SLC26A5: variants seen among roughly 807,000 people sequenced by gnomAD.
SLC26A5 encodes the protein prestin.
SLC26A5 carries 51 observed loss-of-function variants against 81.0 expected under a neutral mutation model. The observed-to-expected ratio is 0.63, with a 90% CI of 0.50 to 0.80. The LOEUF (loss-of-function observed/expected upper bound fraction) is 0.80. SLC26A5 is among the 30% of genes least tolerant of loss of function. The probability of loss-of-function intolerance (pLI) is 0.00; values close to 1 mark genes in which losing one functional copy is unlikely to be tolerated. For missense variants in SLC26A5, 771 were observed against 905.8 expected (o/e 0.85, Z 1.91); for synonymous variants, 325 against 332.8 (o/e 0.98, Z 0.25).
chr7:103,402,334 T>C (rs544567825), intron 8 of SLC26A5, among the ~76,000 whole-genome samples: 47 of 152,230 alleles, frequency 3.1e-4, no homozygotes, highest in African/African-American at 8.4e-4. Context: ...CTAGATTTTC[T>C]AGTTAATTTG....
chr7:103,395,474 C>CAT lies in SLC26A5; in HGVS notation c.972-2410_972-2409dup, dbSNP rs992268418. ...ACAAGTAGATTTATATATATATATA[C>CAT]ATATATATATACGCATATATATGTA... On this transcript the variant is annotated intron_variant, in intron 9 of 19. Coordinates refer to ENST00000306312, the MANE Select transcript of SLC26A5 (RefSeq NM_198999.3). Among the ~76,000 whole-genome samples the CAT allele has an allele frequency of 3.7e-3, 470 of 126,404 alleles. 5 individuals are homozygous for CAT. Among genetic ancestry groups the CAT allele is most frequent in the Non-Finnish European group, 4.7e-3 (293 of 62,400 alleles). 82.9% of individuals were successfully genotyped at this position (126,404 alleles called of 152,430 possible). A position where few individuals can be genotyped will look rare whatever the true frequency, so the allele number is the denominator to read the frequency against.
At chr7:103,395,501 G>GTATA (rs72433350) in intron 9 of SLC26A5, among the ~76,000 whole-genome samples, 4 of 106,686 alleles carry the variant, frequency 3.7e-5, no homozygotes, top group African/African-American at 6.9e-5. Flanking sequence ...ATATATGTAT[G>GTATA]TATATATATA....
intron 19 of SLC26A5, among the ~76,000 whole-genome samples, chr7:103,358,567 T>G (rs1025206298): frequency 2.6e-5 from 4 of 151,492 alleles, no homozygotes; most frequent in Non-Finnish European, 4.4e-5. Flanking sequence ...TCTGTTGATG[T>G]TTTTTTCCTC....
chr7:103,402,080 C>G (rs1451407650), intron 8 of SLC26A5, among the ~76,000 whole-genome samples: 2 of 152,088 alleles, frequency 1.3e-5, no homozygotes, highest in African/African-American at 2.4e-5. Context: ...ATCATAAAAT[C>G]AGTTAGGGAG....
chr7:103,441,007 T>C (rs529793946), intron 2 of SLC26A5, among the ~76,000 whole-genome samples: 1 of 152,244 alleles, frequency 6.6e-6, no homozygotes, highest in East Asian at 1.9e-4. Flanking sequence ...CATGAGGGAA[T>C]CAAGGGCCAT....
At position 103,407,932 on chromosome 7, in the gene SLC26A5, A is replaced by G; in HGVS notation, c.807T>C (p.Phe269=). The G allele has an allele frequency of 6.2e-7, 1 of 1,614,156 alleles. No homozygotes were observed. The highest frequency in any genetic ancestry group is 8.5e-7 in the Non-Finnish European group (1 of 1,179,998). ...VCSLGVGLMV[F]GLLLGGKEFN... ...ACTCCTTGCCACCCAACAGCAAACC[A>G]AAAACCATCAGCCCGACGCCTAGGG... is the stretch of plus-strand genomic sequence containing the variant. Residue 269 remains phenylalanine, a synonymous_variant, in exon 8 of 20, where the codon TTT becomes TTC. Coordinates refer to ENST00000306312, the MANE Select transcript of SLC26A5 (RefSeq NM_198999.3).
intron 17 of SLC26A5, 33 bp downstream of exon 17, chr7:103,378,413 A>G (rs1821516665): frequency 6.3e-7 from 1 of 1,587,628 alleles, no homozygotes; most frequent in African/African-American, 1.3e-5. Flanking sequence ...AGAACAAGAC[A>G]GAACGGATTA....
intron 2 of SLC26A5, among the ~76,000 whole-genome samples, chr7:103,424,369 T>C (rs1825574086): frequency 6.6e-6 from 1 of 152,180 alleles, no homozygotes; most frequent in South Asian, 2.1e-4. Context: ...TTTGAGACAA[T>C]ATCATACTCT....
At position 103,382,228 on chromosome 7, in the gene SLC26A5, A is replaced by G. The variant is rs146589124; in HGVS notation, c.1515-1679T>C. On this transcript the variant is annotated intron_variant, in intron 14 of 19. Coordinates refer to ENST00000306312, the MANE Select transcript of SLC26A5 (RefSeq NM_198999.3). ...TTGTTAGCAAGAATCACTGACTCAT[A>G]GTAGGGGAGTAGTCAATTGAGGGCG... Among the ~76,000 whole-genome samples, 398 of 152,184 alleles carry G rather than the reference A, an allele frequency of 2.6e-3. 3 individuals carry two copies. Among genetic ancestry groups the G allele is most frequent in the African/African-American group, 9.1e-3 (377 of 41,552 alleles).
At chr7:103,364,247 G>C in intron 19 of SLC26A5, 1 of 1,614,222 alleles carries the variant, frequency 6.2e-7, no homozygotes. Context: ...TTGCTAATCG[G>C]ACTGATGCGT....
chr7:103,408,112 T>G, intron 7 of SLC26A5, 109 bp from the exon 8 acceptor site: 18 of 1,422,652 alleles, frequency 1.3e-5, no homozygotes, highest in Non-Finnish European at 1.6e-5. Context: ...TGGATATTTC[T>G]AGTGGAAAGT....
rs772379496 is a variant in SLC26A5, at chr7:103,391,736, C to T, written c.1120-1G>A. 1 of 1,612,650 alleles carries T rather than the reference C, an allele frequency of 6.2e-7. No homozygotes were observed. Among genetic ancestry groups the T allele is most frequent in the South Asian group, 1.1e-5 (1 of 90,822 alleles). ...TGCACAGTCCCAGGGCAATGAGCTC[C>T]TTTCCCATGTAGAAACAAAACACAA... On this transcript the variant is annotated splice_acceptor_variant, in intron 10 of 19. Coordinates refer to ENST00000306312, the MANE Select transcript of SLC26A5 (RefSeq NM_198999.3). LOFTEE classifies it high-confidence loss of function.
Position 103,374,437 on chromosome 7 carries a change from A to G in SLC26A5, c.2197T>C (p.Leu733=), listed in dbSNP as rs770873038. 1 of 1,612,808 alleles carries G rather than the reference A, an allele frequency of 6.2e-7. No individual in the cohort carries two copies. Among genetic ancestry groups the G allele is most frequent in the East Asian group, 2.2e-5 (1 of 44,876 alleles). The part of the protein sequence containing the change: ...EASAPPSQED[L]EPNATPATPE... ...GTGGCAGGAGTGGCATTGGGCTCCA[A>G]GTCCTCCTGGGAAGGGGGAGCCGAG... The change falls in exon 20 of 20, where the codon TTG becomes CTG. Residue 733 remains leucine, a synonymous_variant. Transcript: ENST00000306312.
chr7:103,387,979 G>A (rs192996430), intron 14 of SLC26A5, among the ~76,000 whole-genome samples: 2 of 152,066 alleles, frequency 1.3e-5, no homozygotes, highest in African/African-American at 2.4e-5. Context: ...ACTGTGCCTG[G>A]CCAGTCCAGG....
intron 8 of SLC26A5, among the ~76,000 whole-genome samples, chr7:103,405,039 T>C (rs1823920013): frequency 6.6e-6 from 1 of 152,168 alleles, no homozygotes; most frequent in Non-Finnish European, 1.5e-5. Context: ...CATCAAGTCA[T>C]TTATGTTCTT....
chr7:103,430,354 C>T (rs1322321328), intron 2 of SLC26A5, among the ~76,000 whole-genome samples: 1 of 152,210 alleles, frequency 6.6e-6, no homozygotes. Flanking sequence ...GCTGGGATTA[C>T]AGGCGTGAGC....
intron 19 of SLC26A5, chr7:103,364,433 G>C (rs1820582358): frequency 1.9e-5 from 20 of 1,042,188 alleles, no homozygotes; most frequent in Middle Eastern, 3.1e-4. Flanking sequence ...TGTTGAGACA[G>C]AGTCTCATTG....
intron 19 of SLC26A5, among the ~76,000 whole-genome samples, chr7:103,359,806 G>A (rs1820271169): frequency 1.3e-5 from 2 of 152,064 alleles, no homozygotes; most frequent in African/African-American, 2.4e-5. Flanking sequence ...TTGACTGGGC[G>A]CAGTGGCTCA....
At position 103,365,653 on chromosome 7, in the gene SLC26A5, C is replaced by T. The variant is rs566655417; in HGVS notation, c.2041+11155G>A. ...TCAAAAAATAAAATTAAAATAGCTG[C>T]GCGCAGTGGCTCACGTCTGTAATCC... On this transcript the variant is annotated intron_variant, in intron 19 of 19. Transcript: ENST00000339444. 1.6e-4 allele frequency among the ~76,000 whole-genome samples: 24 copies of T among 151,376 alleles called. No homozygotes were observed. The South Asian group carries it at 3.8e-3, about 24-fold the overall frequency.
Sources: gnomAD v4.1 joint callset for allele counts (sites outside exome capture counted in the v4.1 genomes callset) on GRCh38, gnomAD v4.1.1 for gene constraint, MANE v1.5 for transcripts, NCBI Gene and HGNC (gene_info 2026-07-23, HGNC 2026-07-21) for gene names.